GLG1: variants seen among roughly 807,000 people sequenced by gnomAD.
GLG1 encodes the protein golgi glycoprotein 1.
Under a neutral mutation model 160.5 loss-of-function variants are expected in GLG1, and 38 were observed. The observed-to-expected ratio is 0.24, with a 90% CI of 0.18 to 0.31. GLG1 has a LOEUF of 0.31. Ranked by LOEUF, GLG1 falls within the 10% of genes least tolerant of loss-of-function variation. The pLI is 1.00. For missense variants in GLG1, 1,373 were observed against 1,505.2 expected (o/e 0.91, Z 1.45); for synonymous variants, 644 against 543.4 (o/e 1.19, Z -2.57).
intron 1 of GLG1, among the ~76,000 whole-genome samples, chr16:74,572,695 T>C (rs1255004431): frequency 1.3e-5 from 2 of 152,172 alleles, no homozygotes; most frequent in African/African-American, 4.8e-5. Context: ...TTCATCTGTG[T>C]CCTTCATAAT....
chr16:74,531,264 G>A lies in GLG1; in HGVS notation c.471+857C>T, dbSNP rs2017522809. Among the ~76,000 whole-genome samples, 4 of 152,182 alleles carry A rather than the reference G, an allele frequency of 2.6e-5. No individual in the cohort carries two copies. In the South Asian group the frequency reaches 8.3e-4, roughly 32 times the overall value. On this transcript the variant is annotated intron_variant, in intron 2 of 25. Transcript: ENST00000422840. ...TCTACCTTCTATAATGTGATAGAGT[G>A]ACTTTTGCCACATATAGATGCCTCT...
Position 74,463,484 on chromosome 16 carries a change from A to G in GLG1, c.2668-5T>C. 3.7e-6 allele frequency: 6 copies of G among 1,613,878 alleles called. No homozygotes were observed. The highest frequency in any genetic ancestry group is 5.1e-6 in the Non-Finnish European group (6 of 1,179,860). On this transcript the variant is annotated splice_region_variant and splice_polypyrimidine_tract_variant and intron_variant, in intron 19 of 25. Coordinates refer to ENST00000422840, the MANE Select transcript of GLG1 (RefSeq NM_001145667.2). ...ATCTGCTTCCGGACAGAACCTCTGC[A>G]AAGAAACAGTTTGATAAAAACAGCT...
At chr16:74,453,440 T>G in intron 25 of GLG1, 106 bp from the exon 26 acceptor site, 1 of 692,524 alleles carries the variant, frequency 1.4e-6, no homozygotes, top group Non-Finnish European at 2.5e-6. Context: ...ATGTCTTTTC[T>G]TTTGGAGAGG....
At chr16:74,493,531 C>G (rs1381593098) in intron 6 of GLG1, among the ~76,000 whole-genome samples, 1 of 152,086 alleles carries the variant, frequency 6.6e-6, no homozygotes, top group Admixed American at 6.5e-5. Context: ...ATATTCTGTT[C>G]AATGCTTTAA....
chr16:74,509,948 A>C (rs2016749198), intron 2 of GLG1, among the ~76,000 whole-genome samples: 2 of 152,008 alleles, frequency 1.3e-5, no homozygotes, highest in Admixed American at 1.3e-4. Flanking sequence ...TGGCCTCCCA[A>C]AGTGCTGGGA....
chr16:74,600,326 GA>G (rs1287895582), intron 1 of GLG1, among the ~76,000 whole-genome samples: 15 of 151,066 alleles, frequency 9.9e-5, no homozygotes, highest in Admixed American at 4.6e-4. Flanking sequence ...CCAGGAGTTT[GA>G]GGTTGCAGTG....
rs1432226434 is a variant in GLG1 at position 74,457,901 on chromosome 16, C to G, written c.3238G>C (p.Ala1080Pro). ...CGCCCGCGGCCAGGGGTGATGGCTG[C>G]GCAGTGGTGTTTAATGTCCAGGGCA... is the stretch of plus-strand genomic sequence containing the variant. ...ACALDIKHHC[A>P]AITPGRGRQM... Residue 1080 changes from alanine (A) to proline (P), a missense_variant, in exon 24 of 26, where the codon GCA becomes CCA. Physicochemically the swap from Ala to Pro is conservative, Grantham distance 27. Transcript: ENST00000422840. The G allele has an allele frequency of 4.3e-6, 7 of 1,613,734 alleles. No homozygotes were observed. The Admixed American group carries it at 1.2e-4, about 27-fold the overall frequency.
At chr16:74,487,992 T>C (rs946207857) in intron 8 of GLG1, among the ~76,000 whole-genome samples, 1 of 152,164 alleles carries the variant, frequency 6.6e-6, no homozygotes, top group African/African-American at 2.4e-5. Flanking sequence ...AGAATAAGAC[T>C]GGCAGTTATC....
intron 22 of GLG1, among the ~76,000 whole-genome samples, chr16:74,460,698 AG>A (rs2143168601): frequency 6.6e-6 from 1 of 152,298 alleles, no homozygotes; most frequent in South Asian, 2.1e-4. Flanking sequence ...ATTGGATGCC[AG>A]GCTTCATTCT....
chr16:74,505,742 C>T (rs1391807229), intron 3 of GLG1, among the ~76,000 whole-genome samples: 2 of 152,182 alleles, frequency 1.3e-5, no homozygotes, highest in African/African-American at 4.8e-5. Context: ...GTAGTCCCAG[C>T]TACTTGGAAG....
At chr16:74,506,922 C>T (rs2016633662) in intron 3 of GLG1, among the ~76,000 whole-genome samples, 1 of 152,092 alleles carries the variant, frequency 6.6e-6, no homozygotes, top group Non-Finnish European at 1.5e-5. Context: ...TGAAAAGGTA[C>T]CATGAGCAAA....
At chr16:74,601,313 G>A (rs1279265958) in intron 1 of GLG1, among the ~76,000 whole-genome samples, 1 of 151,980 alleles carries the variant, frequency 6.6e-6, no homozygotes. Context: ...AGGGTGTGGT[G>A]GCTCCGCCTG....
At chr16:74,508,300 T>C (rs772101652) in intron 3 of GLG1, among the ~76,000 whole-genome samples, 10 of 146,828 alleles carry the variant, frequency 6.8e-5, no homozygotes, top group Non-Finnish European at 1.5e-4. Flanking sequence ...TCCTGGAGTT[T>C]CTATTATTGA....
intron 8 of GLG1, among the ~76,000 whole-genome samples, chr16:74,490,261 A>T (rs1484488641): frequency 4.6e-5 from 7 of 152,066 alleles, no homozygotes. Flanking sequence ...ACCTACAGTT[A>T]TTCAACTGTT....
chr16:74,492,835 A>G (rs1278436365), intron 7 of GLG1, 122 bp downstream of exon 7: 5 of 533,414 alleles, frequency 9.4e-6, no homozygotes, highest in Admixed American at 4.2e-5. Context: ...AAAAAAAAAA[A>G]AAAAGAAAAA....
chr16:74,549,448 G>A (rs1009394614), intron 1 of GLG1, among the ~76,000 whole-genome samples: 52 of 152,144 alleles, frequency 3.4e-4, no homozygotes, highest in Admixed American at 5.9e-4. Context: ...CACCACGCCC[G>A]GCTAACTTCT....
chr16:74,599,442 G>A (rs1279600987), intron 1 of GLG1, among the ~76,000 whole-genome samples: 1 of 152,198 alleles, frequency 6.6e-6, no homozygotes, highest in Non-Finnish European at 1.5e-5. Flanking sequence ...CCAAGGCCAG[G>A]AGCGGTGGCT....
chr16:74,471,614 A>G (rs1256563720), intron 14 of GLG1, among the ~76,000 whole-genome samples: 1 of 152,140 alleles, frequency 6.6e-6, no homozygotes, highest in Non-Finnish European at 1.5e-5. Context: ...CACTCCCACA[A>G]TTTAAATAGT....
intron 3 of GLG1, among the ~76,000 whole-genome samples, chr16:74,505,896 G>A (rs2016582595): frequency 6.6e-6 from 1 of 151,888 alleles, no homozygotes; most frequent in Admixed American, 6.6e-5. Flanking sequence ...TGAGTGTGGT[G>A]CCACGCATCT....
Sources: gnomAD v4.1 joint callset for allele counts (sites outside exome capture counted in the v4.1 genomes callset) on GRCh38, gnomAD v4.1.1 for gene constraint, MANE v1.5 for transcripts, NCBI Gene and HGNC (gene_info 2026-07-23, HGNC 2026-07-21) for gene names.